Variants in ANAPC4 observed in about 807,000 individuals in gnomAD.
ANAPC4 encodes anaphase-promoting complex subunit 4.
ANAPC4 carries 63 observed loss-of-function variants against 119.8 expected under a neutral mutation model. The ratio of observed to expected loss-of-function variants is 0.53; its 90% CI spans 0.43 to 0.65. ANAPC4 has a LOEUF of 0.65. Among genes scored for constraint, ANAPC4 ranks in the 30% least tolerant of loss-of-function variants. ANAPC4 has a pLI of 0.00. For missense variants in ANAPC4, 716 were observed against 945.1 expected, an observed-to-expected ratio of 0.76 and a Z score of 3.18; for synonymous variants, 283 against 318.6, an observed-to-expected ratio of 0.89 and a Z score of 1.19.
In ANAPC4 at chr4:25,416,205, G is replaced by A. The variant is rs376783358; in HGVS notation, c.1902-220G>A. Reference sequence around the variant, plus strand: ...GAAACAACTTCACAGATTTTTGGGGGTCATGATTACCCATTTTTAAGATTT... The same window carrying A: ...GAAACAACTTCACAGATTTTTGGGGATCATGATTACCCATTTTTAAGATTT... On this transcript the variant is annotated intron_variant, in intron 26 of 28. Transcript: ENST00000315368. The A allele has an allele frequency of 8.0e-5, 27 of 338,598 alleles. No homozygotes were observed. The East Asian group carries it at 1.1e-3, about 14-fold the overall frequency. The allele number at this position is 338,598 out of a possible 1,614,324, so 21.0% of individuals were successfully genotyped here.
intron 27 of ANAPC4, 40 bp downstream of exon 27, chr4:25,416,638 GT>G (rs759669938): frequency 1.6e-5 from 23 of 1,412,936 alleles, no homozygotes; most frequent in Admixed American, 2.3e-5. Context: ...ACAGTTAAAT[GT>G]TTTTTTAATG....
intron 14 of ANAPC4, chr4:25,395,138 G>T (rs28447200): frequency 3.9e-5 from 15 of 388,950 alleles, no homozygotes; most frequent in African/African-American, 2.7e-4. Context: ...CTCTATCTGG[G>T]TTTTTTTCTT....
At chr4:25,391,756 G>A (rs1018213656) in intron 9 of ANAPC4, among the ~76,000 whole-genome samples, 20 of 152,250 alleles carry the variant, frequency 1.3e-4, no homozygotes, top group Non-Finnish European at 1.6e-4. Flanking sequence ...AAGATGCAAT[G>A]TGTGTGATGT....
chr4:25,410,904 C>CA (rs1027965338), intron 21 of ANAPC4, among the ~76,000 whole-genome samples: 2 of 152,016 alleles, frequency 1.3e-5, no homozygotes, highest in African/African-American at 4.8e-5. Context: ...TTCCAAATTC[C>CA]AAAAAAATCC....
In ANAPC4 at chr4:25,406,821, G is replaced by T. The variant is rs1723277467; in HGVS notation, c.1318-8G>T. ...CTTGATTTTTCTTTTTGTTCCTTTT[G>T]TTGATAGATGACTCAGAAAGATATC... is the stretch of plus-strand genomic sequence containing the variant. On this transcript the variant is annotated splice_polypyrimidine_tract_variant and splice_region_variant and intron_variant, in intron 18 of 28. Transcript: ENST00000315368. The T allele has an allele frequency of 1.3e-6, 2 of 1,591,788 alleles. No individual in the cohort carries two copies. The highest frequency in any genetic ancestry group is 1.7e-6 in the Non-Finnish European group (2 of 1,169,318).
chr4:25,398,548 GATGGCCAGGTTGCATAGAGTCT>G (rs1234388363), intron 16 of ANAPC4, among the ~76,000 whole-genome samples: 3 of 152,162 alleles, frequency 2.0e-5, no homozygotes, highest in African/African-American at 7.2e-5. Flanking sequence ...GGTGATAGAG[GATGGCCAGGTTGCATAGAGTCT>G]GTGGGCAGTT....
rs757091654 is a variant in ANAPC4 at position 25,394,860 on chromosome 4, C to T, written c.1016C>T (p.Ser339Leu). ...GLKKLGQSIE[S>L]SYSSIQKLVI... ...AAAAAGCTTGGCCAGTCTATAGAGT[C>T]ATCATACTCCAGTATACAAAAATTG... Residue 339 changes from serine to leucine, a missense_variant, in exon 14 of 29, where the codon TCA becomes TTA. By Grantham distance (145) the Ser-to-Leu change is moderately radical. This residue lies in a region of ANAPC4 where 504 missense variants were observed against 615.8 expected (regional missense o/e 0.82). Transcript: ENST00000315368. 1.2e-6 allele frequency: 2 copies of T among 1,613,100 alleles called. No homozygotes were observed. Among genetic ancestry groups the T allele is most frequent in the African/African-American group, 2.7e-5 (2 of 74,932 alleles).
In ANAPC4 at chr4:25,414,329, A is replaced by G. The variant is rs1487048347; in HGVS notation, c.1629A>G (p.Val543=). The change falls in exon 23 of 29, where the codon GTA becomes GTG. Residue 543 remains valine, a synonymous_variant. Transcript: ENST00000315368. The stretch of plus-strand genomic sequence containing the variant: ...TAAAATCTTATTTTATATAGGATGT[A>G]ATTGGAAAATCGATGAATCAAGCAA... The part of the protein sequence containing the change: ...IDQCLQKPAD[V]IGKSMNQAIC... 6.4e-7 allele frequency: 1 copy of G among 1,574,366 alleles called. No homozygotes were observed. The highest frequency in any genetic ancestry group is 1.4e-5 in the African/African-American group (1 of 74,062).
At chr4:25,399,174 C>A (rs553050147) in intron 16 of ANAPC4, among the ~76,000 whole-genome samples, 1 of 151,998 alleles carries the variant, frequency 6.6e-6, no homozygotes, top group Non-Finnish European at 1.5e-5. Context: ...TACTTTAGTG[C>A]GTATTTTCTA....
chr4:25,388,011 C>T (rs1006983304), intron 4 of ANAPC4, among the ~76,000 whole-genome samples: 1 of 152,078 alleles, frequency 6.6e-6, no homozygotes, highest in South Asian at 2.1e-4. Flanking sequence ...CACCTGTAGT[C>T]CCAGCTACTC....
At chr4:25,393,163 C>A (rs315669) in intron 10 of ANAPC4, among the ~76,000 whole-genome samples, 30,269 of 152,006 alleles carry the variant, frequency 0.2, 3,053 homozygotes, top group East Asian at 0.24. Flanking sequence ...AGATCAGTAT[C>A]TTTTTAAAAT....
At position 25,392,402 on chromosome 4, in the gene ANAPC4, A is replaced by T; in HGVS notation, c.770A>T (p.His257Leu). The T allele has an allele frequency of 6.2e-7, 1 of 1,609,940 alleles. No homozygotes were observed. The highest frequency in any genetic ancestry group is 8.5e-7 in the Non-Finnish European group (1 of 1,176,244). Residue 257 changes from histidine to leucine, a missense_variant, in exon 10 of 29, where the codon CAT becomes CTT. His to Leu is a moderately conservative substitution (Grantham distance 99). Transcript: ENST00000315368. The stretch of plus-strand genomic sequence containing the variant: ...ACTCGGATGGCCAGAAAGTTTACTC[A>T]TATTTCAGCTCTGTTACAGGTATTT... ...EVTRMARKFT[H>L]ISALLQYINL... is the part of the protein sequence containing the mutation.
chr4:25,418,438 C>A lies in ANAPC4; in HGVS notation c.*56C>A. On this transcript the variant is annotated 3_prime_UTR_variant, in exon 29 of 29. Transcript: ENST00000315368. ...TGGCCAAAAGGACATAGGAGATGGA[C>A]TAAGATGTCTTGGACCACCTTTGTG... The A allele has an allele frequency of 6.8e-7, 1 of 1,472,630 alleles. No individual in the cohort carries two copies. The highest frequency in any genetic ancestry group is 9.4e-7 in the Non-Finnish European group (1 of 1,066,332). The allele number at this position is 1,472,630 out of a possible 1,614,324, so 91.2% of individuals were successfully genotyped here.
At position 25,383,426 on chromosome 4, in the gene ANAPC4, T is replaced by G. The variant is rs556214229; in HGVS notation, c.368+33T>G. Reference sequence around the variant, plus strand: ...GAAAAACTTATGTAGTCATAGGGTATTCATGAGATTTTTATTTTTTGAAAT... The same window carrying G: ...GAAAAACTTATGTAGTCATAGGGTAGTCATGAGATTTTTATTTTTTGAAAT... On this transcript the variant is annotated intron_variant, in intron 4 of 28. Coordinates refer to ENST00000315368, the MANE Select transcript of ANAPC4 (RefSeq NM_013367.3). The G allele has an allele frequency of 2.7e-6, 4 of 1,501,142 alleles. No individual in the cohort carries two copies. In the East Asian group the frequency reaches 7.0e-5, roughly 26 times the overall value. 93.0% of individuals were successfully genotyped at this position (1,501,142 alleles called of 1,614,324 possible).
chr4:25,382,144 T>C (rs1486296021), intron 3 of ANAPC4, among the ~76,000 whole-genome samples: 2 of 152,218 alleles, frequency 1.3e-5, no homozygotes, highest in Admixed American at 1.3e-4. Context: ...CTTTTTCCCA[T>C]GTCAGTGTGG....
In ANAPC4 at chr4:25,406,466, AG is replaced by A. The variant is rs71639872; in HGVS notation, c.1318-362del. ...GAAGCAGACAGCACTGTTTGCCTGC[AG>A]CCCTTAACTAAGGGTGACACATCTT... On this transcript the variant is annotated intron_variant, in intron 18 of 28. Transcript: ENST00000315368. Among the ~76,000 whole-genome samples, 379 of 152,336 alleles carry A rather than the reference AG, an allele frequency of 2.5e-3. 1 individual carries two copies. Among genetic ancestry groups the A allele is most frequent in the Non-Finnish European group, 4.5e-3 (304 of 68,026 alleles).
chr4:25,401,540 T>C (rs922882326), intron 16 of ANAPC4, among the ~76,000 whole-genome samples: 4 of 152,232 alleles, frequency 2.6e-5, no homozygotes. Flanking sequence ...TGAGGTCTTC[T>C]GTTAGACCTG....
intron 4 of ANAPC4, among the ~76,000 whole-genome samples, chr4:25,384,370 G>A (rs1407804028): frequency 6.6e-6 from 1 of 152,156 alleles, no homozygotes; most frequent in Non-Finnish European, 1.5e-5. Context: ...CCAAACTCCT[G>A]TTAATGTTGA....
chr4:25,417,810 C>G, intron 28 of ANAPC4, 71 bp downstream of exon 28: 3 of 1,535,760 alleles, frequency 2.0e-6, no homozygotes, highest in Non-Finnish European at 2.6e-6. Flanking sequence ...GAACCTTCAT[C>G]AAATACATGA....
Sources: allele counts gnomAD v4.1 joint callset (sites outside exome capture counted in the v4.1 genomes callset), GRCh38; gene constraint gnomAD v4.1.1; regional missense constraint gnomAD v4.1.1; transcripts MANE v1.5; gene names NCBI Gene and HGNC (gene_info 2026-07-23, HGNC 2026-07-21).